FAM114A1: variants seen among roughly 807,000 people sequenced by gnomAD.
FAM114A1 encodes family with sequence similarity 114 member A1.
A neutral mutation model predicts 64.3 loss-of-function variants in FAM114A1; 62 were observed. The ratio of observed to expected loss-of-function variants is 0.96; its 90% CI spans 0.79 to 1.19. The LOEUF (loss-of-function observed/expected upper bound fraction) is 1.19, where lower values mean the gene tolerates loss of function less well. Ranked by LOEUF, FAM114A1 falls within the 50% of genes most tolerant of loss-of-function variation. The pLI, the probability that FAM114A1 is intolerant of heterozygous loss-of-function variation, is 0.00. For missense variants in FAM114A1, 645 were observed against 676.3 expected, an observed-to-expected ratio of 0.95 and a Z score of 0.51; for synonymous variants, 254 against 251.1, an observed-to-expected ratio of 1.01 and a Z score of -0.11.
chr4:38,886,378 C>T (rs1315843839), intron 3 of FAM114A1, among the ~76,000 whole-genome samples: 1 of 151,032 alleles, frequency 6.6e-6, no homozygotes, highest in Non-Finnish European at 1.5e-5. Flanking sequence ...ACCTTTTTGG[C>T]CAGGCTGGTC....
At chr4:38,943,383 T>C (rs1027466469) in intron 14 of FAM114A1, 73 bp from the exon 15 acceptor site, 13 of 1,289,342 alleles carry the variant, frequency 1.0e-5, no homozygotes, top group African/African-American at 8.7e-5. Context: ...AGTGGGAACA[T>C]TATCCAATTG....
At chr4:38,888,259 C>T (rs866911734) in intron 3 of FAM114A1, among the ~76,000 whole-genome samples, 4 of 151,518 alleles carry the variant, frequency 2.6e-5, no homozygotes, top group Non-Finnish European at 5.9e-5. Context: ...TGCAGTCACC[C>T]GTAATCCTAG....
At position 38,937,369 on chromosome 4, in the gene FAM114A1, C is replaced by G. The variant is rs1721198109; in HGVS notation, c.1536+1579C>G. The stretch of plus-strand genomic sequence containing the variant: ...TTCCTTGCCTTGTGGCTGCAAAACT[C>G]CAGTCTCTCTCTGTGTCTTGACATG... On this transcript the variant is annotated intron_variant, in intron 13 of 14. Coordinates refer to ENST00000358869, the MANE Select transcript of FAM114A1 (RefSeq NM_138389.4). Among the ~76,000 whole-genome samples, 6 of 152,162 alleles carry G rather than the reference C, an allele frequency of 3.9e-5. No homozygotes were observed. The South Asian group carries it at 1.2e-3, about 32-fold the overall frequency.
At chr4:38,881,360 A>G (rs1715252830) in intron 3 of FAM114A1, among the ~76,000 whole-genome samples, 1 of 152,092 alleles carries the variant, frequency 6.6e-6, no homozygotes, top group African/African-American at 2.4e-5. Context: ...CCCCTACAAC[A>G]CTGACAGCAT....
intron 13 of FAM114A1, among the ~76,000 whole-genome samples, chr4:38,939,198 A>C (rs944112229): frequency 6.6e-6 from 1 of 152,040 alleles, no homozygotes; most frequent in African/African-American, 2.4e-5. Flanking sequence ...ACACATACAC[A>C]TACAAGTGTT....
chr4:38,925,317 G>T (rs1720002792), intron 9 of FAM114A1, among the ~76,000 whole-genome samples: 1 of 152,156 alleles, frequency 6.6e-6, no homozygotes, highest in Non-Finnish European at 1.5e-5. Flanking sequence ...ATGAAGAACT[G>T]GGAGAAAAGA....
rs769560740 is a variant in FAM114A1, at chr4:38,868,054, TGTGA to T, written c.-158+224_-158+227del. 38 of 421,212 alleles carry T rather than the reference TGTGA, an allele frequency of 9.0e-5. No homozygotes were observed. In the Admixed American group the frequency reaches 9.6e-4, roughly 11 times the overall value. 26.1% of individuals were successfully genotyped at this position (421,212 alleles called of 1,614,324 possible). On this transcript the variant is annotated intron_variant, in intron 1 of 14. Coordinates refer to ENST00000358869, the MANE Select transcript of FAM114A1 (RefSeq NM_138389.4). Reference sequence around the variant, plus strand: ...CGAGGGACCTGCGTGGGTGCGGGCGTGTGAGTGTGTGTGTGTGAGTGTGTGTCGC... The same window carrying T: ...CGAGGGACCTGCGTGGGTGCGGGCGTGTGTGTGTGTGTGAGTGTGTGTCGC...
At chr4:38,908,876 C>T (rs1718278880) in intron 7 of FAM114A1, 150 bp downstream of exon 7, 1 of 794,846 alleles carries the variant, frequency 1.3e-6, no homozygotes, top group African/African-American at 1.7e-5. Flanking sequence ...CTAATACCCC[C>T]ATTTCCCCAG....
intron 9 of FAM114A1, among the ~76,000 whole-genome samples, chr4:38,927,608 C>T (rs1720242140): frequency 2.0e-5 from 3 of 152,160 alleles, no homozygotes; most frequent in Admixed American, 2.0e-4. Context: ...ACTCCTAAAC[C>T]CCAGCTAGCC....
At chr4:38,896,276 T>G (rs1345567747) in intron 4 of FAM114A1, among the ~76,000 whole-genome samples, 2 of 152,246 alleles carry the variant, frequency 1.3e-5, no homozygotes, top group African/African-American at 4.8e-5. Flanking sequence ...CCCCCCAAAA[T>G]GAATGCAATA....
Position 38,875,881 on chromosome 4 carries a change from C to G in FAM114A1, c.-8-2190C>G, listed in dbSNP as rs188092314. Among the ~76,000 whole-genome samples the G allele has an allele frequency of 2.7e-4, 41 of 152,290 alleles. No individual in the cohort carries two copies. In the East Asian group the frequency reaches 7.7e-3, roughly 29 times the overall value. On this transcript the variant is annotated intron_variant, in intron 2 of 14. Coordinates refer to ENST00000358869, the MANE Select transcript of FAM114A1 (RefSeq NM_138389.4). ...AACATTTTTATCACCACCGAAAGTT[C>G]CATTGAATAGTGCTGTTCTACATGA...
chr4:38,898,786 G>A (rs1296642038), intron 4 of FAM114A1, among the ~76,000 whole-genome samples: 6 of 151,884 alleles, frequency 4.0e-5, no homozygotes, highest in Non-Finnish European at 7.4e-5. Context: ...ACTATAGTTC[G>A]CTTTGGTTGA....
chr4:38,933,003 AC>A (rs1720787189), intron 12 of FAM114A1, among the ~76,000 whole-genome samples: 13 of 151,300 alleles, frequency 8.6e-5, no homozygotes, highest in African/African-American at 2.9e-4. Flanking sequence ...ACAGGTGCGC[AC>A]CACCACATCC....
At chr4:38,884,967 T>A (rs1447093329) in intron 3 of FAM114A1, among the ~76,000 whole-genome samples, 4 of 152,096 alleles carry the variant, frequency 2.6e-5, no homozygotes, top group Non-Finnish European at 2.9e-5. Context: ...CTTTTAAAAA[T>A]TTTTATTTAT....
intron 2 of FAM114A1, among the ~76,000 whole-genome samples, chr4:38,875,688 A>G (rs1461791760): frequency 6.6e-6 from 1 of 152,074 alleles, no homozygotes; most frequent in Admixed American, 6.6e-5. Context: ...GACTTCCACT[A>G]TTGTGTTGAA....
intron 3 of FAM114A1, among the ~76,000 whole-genome samples, chr4:38,882,990 C>T (rs984233069): frequency 7.1e-6 from 1 of 139,982 alleles, no homozygotes; most frequent in African/African-American, 2.7e-5. Context: ...TTTAGGGCTT[C>T]TTTGCTTTCT....
intron 7 of FAM114A1, among the ~76,000 whole-genome samples, chr4:38,912,710 C>T (rs1718675257): frequency 6.6e-6 from 1 of 152,148 alleles, no homozygotes; most frequent in African/African-American, 2.4e-5. Context: ...GAGTCCACAT[C>T]TTTCCAGAGT....
At chr4:38,869,805 T>A (rs73811241) in intron 2 of FAM114A1, among the ~76,000 whole-genome samples, 1,779 of 151,936 alleles carry the variant, frequency 0.012, 38 homozygotes, top group African/African-American at 0.038. Context: ...GCCATTTTTT[T>A]TAAAAAAATC....
At chr4:38,938,189 C>T (rs1721268742) in intron 13 of FAM114A1, among the ~76,000 whole-genome samples, 1 of 152,200 alleles carries the variant, frequency 6.6e-6, no homozygotes, top group African/African-American at 2.4e-5. Context: ...CTTCACTCAG[C>T]AGCAATTGGG....
Sources: allele counts gnomAD v4.1 joint callset (sites outside exome capture counted in the v4.1 genomes callset), GRCh38; gene constraint gnomAD v4.1.1; transcripts MANE v1.5; gene names NCBI Gene and HGNC (gene_info 2026-07-23, HGNC 2026-07-21).